Variants in INPP5K observed in about 807,000 individuals in gnomAD.
INPP5K encodes the protein inositol polyphosphate-5-phosphatase K, also known as inositol polyphosphate 5-phosphatase K.
A neutral mutation model predicts 53.5 loss-of-function variants in INPP5K; 35 were observed. That is an observed-to-expected ratio of 0.65 (90% CI 0.50 to 0.87). The LOEUF is 0.87. Among genes scored for constraint, INPP5K ranks in the 40% least tolerant of loss-of-function variants. The probability of loss-of-function intolerance (pLI) is 0.00; values close to 1 mark genes in which losing one functional copy is unlikely to be tolerated. For missense variants in INPP5K, 550 were observed against 586.2 expected (o/e 0.94, Z 0.64); for synonymous variants, 253 against 232.8 (o/e 1.09, Z -0.79).
Position 1,495,777 on chromosome 17 carries a change from T to C in INPP5K, c.*46A>G. On this transcript the variant is annotated 3_prime_UTR_variant, in exon 12 of 12. Transcript: ENST00000421807. ...ACTCCCGGCAGTGGAAAGGCAGAGCTGGCTGCCAGCTCTGGCCTCCGCCTG... is the reference window on the plus strand; with the variant it reads ...ACTCCCGGCAGTGGAAAGGCAGAGCCGGCTGCCAGCTCTGGCCTCCGCCTG... 6.8e-7 allele frequency: 1 copy of C among 1,477,282 alleles called. No individual in the cohort carries two copies. The highest frequency in any genetic ancestry group is 9.4e-7 in the Non-Finnish European group (1 of 1,060,936). 91.5% of individuals were successfully genotyped at this position (1,477,282 alleles called of 1,614,324 possible). A position where few individuals can be genotyped will look rare whatever the true frequency, so the allele number is the denominator to read the frequency against.
At chr17:1,510,493 C>G (rs1408353375) in intron 3 of INPP5K, 1 of 152,306 alleles carries the variant, frequency 6.6e-6, no homozygotes, top group Non-Finnish European at 1.5e-5. Context: ...AGGCGTGAGC[C>G]ACCGCGCCCG....
intron 7 of INPP5K, among the ~76,000 whole-genome samples, chr17:1,502,265 C>T (rs1420248619): frequency 3.9e-5 from 6 of 152,184 alleles, no homozygotes; most frequent in African/African-American, 7.2e-5. Flanking sequence ...AAGAGAATGG[C>T]GTGAACCCGG....
Position 1,516,576 on chromosome 17 carries a change from C to T in INPP5K, c.-77G>A, listed in dbSNP as rs1411061087. ...GCGGGTCCCGGCCAGAGCAGCCCTG[C>T]GGGCGGCCGGTCTCACGCGCCTAGC... On this transcript the variant is annotated 5_prime_UTR_variant, in exon 1 of 12. Coordinates refer to ENST00000421807, the MANE Select transcript of INPP5K (RefSeq NM_016532.4). 5 of 1,444,888 alleles carry T rather than the reference C, an allele frequency of 3.5e-6. No homozygotes were observed. The South Asian group carries it at 5.6e-5, about 16-fold the overall frequency. 89.5% of individuals were successfully genotyped at this position (1,444,888 alleles called of 1,614,324 possible). A position where few individuals can be genotyped will look rare whatever the true frequency, so the allele number is the denominator to read the frequency against.
intron 5 of INPP5K, 101 bp from the exon 6 acceptor site, chr17:1,508,327 C>T (rs2075214250): frequency 2.2e-6 from 2 of 890,128 alleles, no homozygotes; most frequent in Non-Finnish European, 3.8e-6. Context: ...TGCTGGGGCA[C>T]AGAAAACCTG....
chr17:1,495,150 G>A lies in INPP5K; in HGVS notation c.*673C>T, dbSNP rs2074795225. 1 of 152,280 alleles carries A rather than the reference G, an allele frequency of 6.6e-6. No homozygotes were observed. The highest frequency in any genetic ancestry group is 6.5e-5 in the Admixed American group (1 of 15,290). The allele number at this position is 152,280 out of a possible 1,614,324, so 9.4% of individuals were successfully genotyped here. A position where few individuals can be genotyped will look rare whatever the true frequency, so the allele number is the denominator to read the frequency against. On this transcript the variant is annotated 3_prime_UTR_variant, in exon 12 of 12. Transcript: ENST00000421807. ...GATCCTTCCCAGTTCTCTCTGTCAG[G>A]ATCTGGAACTTCCATGCAGTCAGAC...
chr17:1,495,803 G>C lies in INPP5K; in HGVS notation c.*20C>G. 7 of 1,601,006 alleles carry C rather than the reference G, an allele frequency of 4.4e-6. No individual in the cohort carries two copies. The highest frequency in any genetic ancestry group is 6.0e-6 in the Non-Finnish European group (7 of 1,169,522). ...GGCTGCCAGCTCTGGCCTCCGCCTG[G>C]GATTCACTCCCATCCTGGCTCAGAT... On this transcript the variant is annotated 3_prime_UTR_variant, in exon 12 of 12. Transcript: ENST00000421807.
chr17:1,503,879 C>T (rs1226561475), intron 7 of INPP5K, among the ~76,000 whole-genome samples: 2 of 152,142 alleles, frequency 1.3e-5, no homozygotes, highest in East Asian at 1.9e-4. Flanking sequence ...TCAGGGACAC[C>T]GTAGTGGCTG....
At chr17:1,512,689 C>T (rs2075336764) in intron 3 of INPP5K, among the ~76,000 whole-genome samples, 1 of 152,160 alleles carries the variant, frequency 6.6e-6, no homozygotes, top group South Asian at 2.1e-4. Flanking sequence ...GTGGACTCTC[C>T]TACTGTCTAA....
At chr17:1,497,024 G>C (rs980891207) in intron 8 of INPP5K, among the ~76,000 whole-genome samples, 1 of 152,204 alleles carries the variant, frequency 6.6e-6, no homozygotes, top group African/African-American at 2.4e-5. Context: ...GGAATCCCAT[G>C]GGGCCCAGCG....
chr17:1,502,942 T>G (rs571569162), intron 7 of INPP5K, among the ~76,000 whole-genome samples: 1 of 151,750 alleles, frequency 6.6e-6, no homozygotes, highest in South Asian at 2.1e-4. Flanking sequence ...CAGGCTGGAG[T>G]GCAGTGGTGT....
chr17:1,504,385 G>C (rs1025839523), intron 7 of INPP5K, among the ~76,000 whole-genome samples: 1 of 152,240 alleles, frequency 6.6e-6, no homozygotes, highest in African/African-American at 2.4e-5. Context: ...TAAAATAACA[G>C]TGTCATTAGA....
chr17:1,510,531 T>C (rs1227804526), intron 3 of INPP5K: 1 of 152,226 alleles, frequency 6.6e-6, no homozygotes, highest in Non-Finnish European at 1.5e-5. Flanking sequence ...GGAAGGAACA[T>C]AAGAGGTTTC....
intron 1 of INPP5K, chr17:1,515,886 A>G: frequency 1.0e-6 from 1 of 983,132 alleles, no homozygotes; most frequent in African/African-American, 1.7e-5. Flanking sequence ...TCCCAGACTC[A>G]CTCTAAGAGG....
intron 7 of INPP5K, among the ~76,000 whole-genome samples, chr17:1,503,522 C>G (rs1386060042): frequency 6.6e-6 from 1 of 152,036 alleles, no homozygotes; most frequent in African/African-American, 2.4e-5. Context: ...GGGGAGGGTT[C>G]TCACTCTGAT....
chr17:1,516,345 CT>C, intron 1 of INPP5K, 110 bp downstream of exon 1: 1 of 1,242,090 alleles, frequency 8.1e-7, no homozygotes, highest in Non-Finnish European at 1.1e-6. Flanking sequence ...GAGAGCGCCT[CT>C]GAACCAAAGG....
rs2075248333 is a variant in INPP5K, at chr17:1,509,259, T to C, written c.473A>G (p.Tyr158Cys). 1 of 1,614,064 alleles carries C rather than the reference T, an allele frequency of 6.2e-7. No individual in the cohort carries two copies. The highest frequency in any genetic ancestry group is 2.2e-5 in the East Asian group (1 of 44,868). Residue 158 changes from tyrosine (Y) to cysteine (C), a missense_variant, in exon 5 of 12, where the codon TAC (tyrosine) becomes TGC (cysteine). By Grantham distance (194) the Tyr-to-Cys change is radical. Transcript: ENST00000421807. ...CHLPPHISNNYQRLEHFDRIL... is the reference protein window; with the variant it reads ...CHLPPHISNNCQRLEHFDRIL... ...CCGGTCAAAGTGCTCCAGCCGCTGG[T>C]AATTGTTGGAAATGTGGGGAGGCAG...
chr17:1,500,487 C>T (rs1233369941), intron 7 of INPP5K, among the ~76,000 whole-genome samples: 1 of 152,100 alleles, frequency 6.6e-6, no homozygotes, highest in East Asian at 1.9e-4. Context: ...GCCTCAGCCT[C>T]CAGAATAGCT....
intron 8 of INPP5K, among the ~76,000 whole-genome samples, chr17:1,497,104 C>T (rs375428572): frequency 6.6e-6 from 1 of 152,238 alleles, no homozygotes; most frequent in Non-Finnish European, 1.5e-5. Context: ...GGCAGCTGCT[C>T]TCAGGCCTCC....
chr17:1,500,350 AG>A (rs1474271645), intron 7 of INPP5K, among the ~76,000 whole-genome samples: 3 of 149,812 alleles, frequency 2.0e-5, no homozygotes, highest in African/African-American at 7.4e-5. Flanking sequence ...CCCAGACATT[AG>A]CTTTTTGCTT....
Sources: gnomAD v4.1 joint callset for allele counts (sites outside exome capture counted in the v4.1 genomes callset) on GRCh38, gnomAD v4.1.1 for gene constraint, MANE v1.5 for transcripts, NCBI Gene and HGNC (gene_info 2026-07-23, HGNC 2026-07-21) for gene names.